Variants in SCD5 observed in about 807,000 individuals in gnomAD.
The protein encoded by SCD5 is stearoyl-CoA desaturase 5.
In SCD5, 20 loss-of-function variants were observed where a neutral mutation model predicts 30.4. The observed-to-expected ratio is 0.66, with a 90% CI of 0.46 to 0.96. The LOEUF (loss-of-function observed/expected upper bound fraction) is 0.96, where lower values mean the gene tolerates loss of function less well. SCD5 is among the 40% of genes least tolerant of loss of function. The pLI, the probability that SCD5 is intolerant of heterozygous loss-of-function variation, is 0.00. For missense variants in SCD5, 381 were observed against 443.3 expected (o/e 0.86, Z 1.26); for synonymous variants, 173 against 176.4 (o/e 0.98, Z 0.16).
At chr4:82,781,880 AAGAC>A (rs1343830731) in intron 1 of SCD5, among the ~76,000 whole-genome samples, 12 of 152,140 alleles carry the variant, frequency 7.9e-5, no homozygotes, top group Admixed American at 7.9e-4. Context: ...AAAACAGACT[AAGAC>A]AGATTACTGT....
At position 82,630,290 on chromosome 4, in the gene SCD5, TAAAC is replaced by T. The variant is rs990315415; in HGVS notation, c.*1033_*1036del. ...ACAAGCTGTAAACACAGCAAAAAAATAAACAAGAGCCATTTCCTGTATTCTCATT... is the reference window on the plus strand; with the variant it reads ...ACAAGCTGTAAACACAGCAAAAAAATAAGAGCCATTTCCTGTATTCTCATT... On this transcript the variant is annotated 3_prime_UTR_variant, in exon 5 of 5. Coordinates refer to ENST00000319540, the MANE Select transcript of SCD5 (RefSeq NM_001037582.3). 4 of 152,140 alleles carry T rather than the reference TAAAC, an allele frequency of 2.6e-5. No individual in the cohort carries two copies. The South Asian group carries it at 6.2e-4, about 24-fold the overall frequency. 9.4% of individuals were successfully genotyped at this position (152,140 alleles called of 1,614,324 possible).
At chr4:82,726,558 GT>G (rs11382675) in intron 1 of SCD5, among the ~76,000 whole-genome samples, 1,728 of 146,458 alleles carry the variant, frequency 0.012, 30 homozygotes, top group African/African-American at 0.039. Context: ...GAAAGCAGCT[GT>G]TTTTTTTTTT....
At chr4:82,707,647 G>T (rs1250666302) in intron 1 of SCD5, among the ~76,000 whole-genome samples, 5 of 152,206 alleles carry the variant, frequency 3.3e-5, no homozygotes, top group Non-Finnish European at 7.3e-5. Context: ...TGTTGGGGAG[G>T]CCCATGTGGC....
At chr4:82,720,449 A>C (rs1335411727) in intron 1 of SCD5, among the ~76,000 whole-genome samples, 6 of 148,346 alleles carry the variant, frequency 4.0e-5, no homozygotes, top group African/African-American at 1.5e-4. Flanking sequence ...AATAAAAAAA[A>C]AAAAAAAAAA....
chr4:82,753,650 C>T (rs552695923), intron 1 of SCD5, among the ~76,000 whole-genome samples: 1 of 152,210 alleles, frequency 6.6e-6, no homozygotes, highest in East Asian at 1.9e-4. Context: ...AGGATAGCAT[C>T]AAAAAACTAT....
chr4:82,660,556 A>T, intron 3 of SCD5: 1 of 1,171,302 alleles, frequency 8.5e-7, no homozygotes. Flanking sequence ...TCTCCTCCAT[A>T]CTTTCACATA....
intron 1 of SCD5, among the ~76,000 whole-genome samples, chr4:82,710,434 C>T (rs1281265698): frequency 3.9e-5 from 6 of 152,126 alleles, no homozygotes; most frequent in Admixed American, 3.9e-4. Context: ...CTCCACCCGC[C>T]CCACCTCCCC....
chr4:82,677,601 A>G (rs758044215), intron 3 of SCD5, among the ~76,000 whole-genome samples: 6 of 152,196 alleles, frequency 3.9e-5, no homozygotes, highest in Non-Finnish European at 7.3e-5. Flanking sequence ...TATGTTGGAA[A>G]CTTGCTTCAT....
chr4:82,637,358 C>G (rs1257340217), intron 3 of SCD5, among the ~76,000 whole-genome samples: 1 of 152,030 alleles, frequency 6.6e-6, no homozygotes, highest in Non-Finnish European at 1.5e-5. Context: ...TCCAAACCAG[C>G]AAAAAAATAA....
At chr4:82,752,266 T>A (rs1056349158) in intron 1 of SCD5, among the ~76,000 whole-genome samples, 2 of 104,714 alleles carry the variant, frequency 1.9e-5, no homozygotes, top group African/African-American at 7.4e-5. Flanking sequence ...CCTTGAATTT[T>A]AAAAAATTAT....
At chr4:82,713,641 T>C (rs1314358609) in intron 1 of SCD5, among the ~76,000 whole-genome samples, 1 of 152,204 alleles carries the variant, frequency 6.6e-6, no homozygotes, top group East Asian at 1.9e-4. Flanking sequence ...ATTGTGTCTG[T>C]CTGTCTTTCC....
intron 1 of SCD5, among the ~76,000 whole-genome samples, chr4:82,797,406 C>A (rs1722248465): frequency 6.6e-6 from 1 of 152,122 alleles, no homozygotes; most frequent in Non-Finnish European, 1.5e-5. Context: ...AGGGCGGCTG[C>A]GAAGTGGTTC....
intron 1 of SCD5, among the ~76,000 whole-genome samples, chr4:82,715,296 A>AT (rs1260732687): frequency 6.6e-6 from 1 of 151,392 alleles, no homozygotes; most frequent in African/African-American, 2.4e-5. Flanking sequence ...GCTGTGGAAG[A>AT]TGAGTGATAA....
At chr4:82,632,803 CAT>C (rs1727349571) in intron 4 of SCD5, among the ~76,000 whole-genome samples, 1 of 152,112 alleles carries the variant, frequency 6.6e-6, no homozygotes, top group Non-Finnish European at 1.5e-5. Flanking sequence ...AAGATGTACT[CAT>C]GAGAGCTCTC....
At chr4:82,681,144 C>T (rs1728564269) in intron 2 of SCD5, among the ~76,000 whole-genome samples, 2 of 152,066 alleles carry the variant, frequency 1.3e-5, no homozygotes, top group South Asian at 4.2e-4. Context: ...ACGTGTGGGA[C>T]GTACCCACTG....
chr4:82,654,017 A>G (rs1329080073), intron 3 of SCD5, among the ~76,000 whole-genome samples: 1 of 151,998 alleles, frequency 6.6e-6, no homozygotes, highest in Non-Finnish European at 1.5e-5. Flanking sequence ...TCCCAGGTTC[A>G]AGCAATTCTC....
intron 2 of SCD5, among the ~76,000 whole-genome samples, chr4:82,699,807 GCACGCCAC>G (rs1243468445): frequency 2.0e-5 from 3 of 150,626 alleles, no homozygotes; most frequent in Non-Finnish European, 3.0e-5. Flanking sequence ...GACTACAGGT[GCACGCCAC>G]CACGCCTGGC....
intron 1 of SCD5, among the ~76,000 whole-genome samples, chr4:82,756,557 C>A (rs527344886): frequency 6.6e-6 from 1 of 152,294 alleles, no homozygotes; most frequent in South Asian, 2.1e-4. Flanking sequence ...GAAACCCCAT[C>A]TCTACTAAAA....
chr4:82,634,972 A>G (rs1727393697), intron 4 of SCD5, among the ~76,000 whole-genome samples: 1 of 152,234 alleles, frequency 6.6e-6, no homozygotes. Context: ...TATTGCTGCC[A>G]TCAGTGCAAG....
Sources: allele counts gnomAD v4.1 joint callset (sites outside exome capture counted in the v4.1 genomes callset), GRCh38; gene constraint gnomAD v4.1.1; transcripts MANE v1.5; gene names NCBI Gene and HGNC (gene_info 2026-07-23, HGNC 2026-07-21).